Variants in SUCLG2 observed in about 807,000 individuals in gnomAD.
SUCLG2 encodes succinate--CoA ligase [GDP-forming] subunit beta, mitochondrial.
SUCLG2 carries 42 observed loss-of-function variants against 47.9 expected under a neutral mutation model. That is an observed-to-expected ratio of 0.88 (90% CI 0.69 to 1.14). The LOEUF is 1.14. Among genes scored for constraint, SUCLG2 ranks in the 50% most tolerant of loss-of-function variants. The probability of loss-of-function intolerance (pLI) is 0.00; values close to 1 mark genes in which losing one functional copy is unlikely to be tolerated. For missense variants in SUCLG2, 571 were observed against 525.9 expected (o/e 1.09, Z -0.84); for synonymous variants, 195 against 197.3 (o/e 0.99, Z 0.10).
At chr3:67,579,157 CT>C (rs1275550872) in intron 2 of SUCLG2, among the ~76,000 whole-genome samples, 2 of 152,076 alleles carry the variant, frequency 1.3e-5, no homozygotes, top group Admixed American at 6.5e-5. Flanking sequence ...TTATTTCACC[CT>C]TAAATAAAAA....
intron 9 of SUCLG2, among the ~76,000 whole-genome samples, chr3:67,478,157 C>T (rs990769543): frequency 5.3e-5 from 8 of 152,148 alleles, no homozygotes; most frequent in East Asian, 1.9e-4. Context: ...AATGCCTGGC[C>T]GGTGGGAGAG....
intron 6 of SUCLG2, among the ~76,000 whole-genome samples, chr3:67,517,925 G>A (rs1705989486): frequency 6.6e-6 from 1 of 152,146 alleles, no homozygotes; most frequent in Admixed American, 6.5e-5. Flanking sequence ...GTTCGAATGA[G>A]CTGTATCACA....
At chr3:67,371,805 T>C (rs1160324565), downstream of SUCLG2, among the ~76,000 whole-genome samples, 1 of 152,182 alleles carries the variant, frequency 6.6e-6, no homozygotes, top group Admixed American at 6.5e-5. Context: ...GGCTTTTGAC[T>C]CAGAAGACCA....
At position 67,468,019 on chromosome 3, in the gene SUCLG2, G is replaced by A. The variant is rs189750437; in HGVS notation, c.1062+27779C>T. On this transcript the variant is annotated intron_variant, in intron 9 of 10. Coordinates refer to ENST00000307227, the MANE Select transcript of SUCLG2 (RefSeq NM_003848.4). Reference sequence around the variant, plus strand: ...CCATAATACAGATGCCCAAATGAGTGCTACAAGAGGGGCAAAAGTGTGAAA... The same window carrying A: ...CCATAATACAGATGCCCAAATGAGTACTACAAGAGGGGCAAAAGTGTGAAA... Among the ~76,000 whole-genome samples, 284 of 152,314 alleles carry A rather than the reference G, an allele frequency of 1.9e-3. 1 individual carries two copies. Among genetic ancestry groups the A allele is most frequent in the African/African-American group, 6.2e-3 (259 of 41,576 alleles).
intron 9 of SUCLG2, among the ~76,000 whole-genome samples, chr3:67,483,812 C>A (rs543118154): frequency 2.0e-5 from 3 of 152,186 alleles, no homozygotes; most frequent in Non-Finnish European, 4.4e-5. Flanking sequence ...AGAACACCCC[C>A]CTACCTACTC....
In SUCLG2 at chr3:67,518,317, T is replaced by C; in HGVS notation, c.590A>G (p.Glu197Gly). ...CTGAGCTTGGCTGTCCTTTATTCCT[T>C]CAAAAATGTCAATTTGCTCCTAGTA... ...LIFKEQIDIF[E>G]GIKDSQAQRM... Residue 197 changes from glutamate (E) to glycine (G), a missense_variant, in exon 6 of 11, where the codon GAA becomes GGA. By Grantham distance (98) the Glu-to-Gly change is moderately conservative (BLOSUM62 -2). Coordinates refer to ENST00000307227, the MANE Select transcript of SUCLG2 (RefSeq NM_003848.4). 1 of 1,610,574 alleles carries C rather than the reference T, an allele frequency of 6.2e-7. No homozygotes were observed.
At chr3:67,650,153 A>G (rs1008769849) in intron 1 of SUCLG2, among the ~76,000 whole-genome samples, 8 of 152,220 alleles carry the variant, frequency 5.3e-5, no homozygotes, top group Non-Finnish European at 7.3e-5. Context: ...AAAAAAGAAA[A>G]AAGTCAAATA....
chr3:67,618,093 C>T (rs1318749618), intron 1 of SUCLG2, among the ~76,000 whole-genome samples: 2 of 152,124 alleles, frequency 1.3e-5, no homozygotes, highest in Non-Finnish European at 2.9e-5. Context: ...AAAGGAAGAA[C>T]TAGAAAAATC....
intron 2 of SUCLG2, among the ~76,000 whole-genome samples, chr3:67,570,746 C>G (rs183272628): frequency 2.0e-5 from 3 of 152,182 alleles, no homozygotes; most frequent in Non-Finnish European, 2.9e-5. Context: ...TGCATCCTGA[C>G]TCCATATGGA....
At chr3:67,364,339 C>T (rs1701847800) in intron 10 of SUCLG2, among the ~76,000 whole-genome samples, 1 of 152,086 alleles carries the variant, frequency 6.6e-6, no homozygotes, top group Admixed American at 6.5e-5. Context: ...GCCTGGCCTT[C>T]CACCCCTGCT....
At chr3:67,573,602 G>T (rs555537637) in intron 2 of SUCLG2, among the ~76,000 whole-genome samples, 1 of 152,226 alleles carries the variant, frequency 6.6e-6, no homozygotes, top group East Asian at 1.9e-4. Context: ...ATGGGAGGGG[G>T]TCCCTGGAGA....
At chr3:67,555,502 T>G (rs1015474091) in intron 2 of SUCLG2, among the ~76,000 whole-genome samples, 8 of 152,138 alleles carry the variant, frequency 5.3e-5, no homozygotes, top group Admixed American at 3.3e-4. Flanking sequence ...AAATACAATC[T>G]TTCCCAAAAA....
At chr3:67,432,519 G>A (rs1284524660) in intron 9 of SUCLG2, among the ~76,000 whole-genome samples, 1 of 152,168 alleles carries the variant, frequency 6.6e-6, no homozygotes, top group Non-Finnish European at 1.5e-5. Context: ...CAAATTTGTT[G>A]TTTATTTTTT....
At chr3:67,361,905 T>C (rs778133733) in intron 10 of SUCLG2, among the ~76,000 whole-genome samples, 24 of 152,120 alleles carry the variant, frequency 1.6e-4, no homozygotes, top group Non-Finnish European at 3.4e-4. Context: ...ATGCCCTGGC[T>C]AGGCTGCTGA....
rs919690714 is a variant in SUCLG2, at chr3:67,584,919, G to A, written c.226+24536C>T. Reference sequence around the variant, plus strand: ...CCCCATGATTAAATTACCTCCCACCGGGTCCCTCCCCAAGACACATGAGGA... The same window carrying A: ...CCCCATGATTAAATTACCTCCCACCAGGTCCCTCCCCAAGACACATGAGGA... On this transcript the variant is annotated intron_variant, in intron 2 of 10. Coordinates refer to ENST00000307227, the MANE Select transcript of SUCLG2 (RefSeq NM_003848.4). 7.9e-5 allele frequency among the ~76,000 whole-genome samples: 12 copies of A among 152,056 alleles called. No individual in the cohort carries two copies. The South Asian group carries it at 8.3e-4, about 11-fold the overall frequency.
At chr3:67,592,743 A>AAAAAAAAAC (rs1559587055) in intron 2 of SUCLG2, among the ~76,000 whole-genome samples, 3 of 148,596 alleles carry the variant, frequency 2.0e-5, no homozygotes, top group African/African-American at 7.7e-5. Context: ...AAAACAACAA[A>AAAAAAAAAC]AAAAAACTGA....
chr3:67,631,188 C>T lies in SUCLG2; in HGVS notation c.85-21592G>A, dbSNP rs185616879. On this transcript the variant is annotated intron_variant, in intron 1 of 10. Coordinates refer to ENST00000307227, the MANE Select transcript of SUCLG2 (RefSeq NM_003848.4). ...ATGTGAAGACATTTGCTTTACTAAG[C>T]AAATGATAAGGCTCTCTGACTCTCA... is the stretch of plus-strand genomic sequence containing the variant. 2.6e-5 allele frequency among the ~76,000 whole-genome samples: 4 copies of T among 152,288 alleles called. No individual in the cohort carries two copies. In the East Asian group the frequency reaches 7.7e-4, roughly 29 times the overall value.
downstream of SUCLG2, among the ~76,000 whole-genome samples, chr3:67,370,185 G>T (rs1359911800): frequency 6.6e-6 from 1 of 152,092 alleles, no homozygotes; most frequent in Non-Finnish European, 1.5e-5. Context: ...AATTTAAAGG[G>T]TTCTTATTTA....
intron 9 of SUCLG2, among the ~76,000 whole-genome samples, chr3:67,433,941 A>T (rs550945484): frequency 6.6e-6 from 1 of 150,936 alleles, no homozygotes; most frequent in Non-Finnish European, 1.5e-5. Flanking sequence ...AATTGTAGTT[A>T]AAAAAAAGCT....
Sources: gnomAD v4.1 joint callset for allele counts (sites outside exome capture counted in the v4.1 genomes callset) on GRCh38, gnomAD v4.1.1 for gene constraint, MANE v1.5 for transcripts, NCBI Gene and HGNC (gene_info 2026-07-23, HGNC 2026-07-21) for gene names.